JPH1: variants seen among roughly 807,000 people sequenced by gnomAD.
JPH1 encodes junctophilin-1.
JPH1 carries 12 observed loss-of-function variants against 53.6 expected under a neutral mutation model. That is an observed-to-expected ratio of 0.22 (90% CI 0.14 to 0.36). The LOEUF is 0.36. Ranked by LOEUF, JPH1 falls within the 10% of genes least tolerant of loss-of-function variation. The pLI is 1.00. For synonymous variants in JPH1, 375 were observed against 363.8 expected (o/e 1.03, Z -0.35); for missense variants, 808 against 905.5 (o/e 0.89, Z 1.38).
In JPH1 at chr8:74,248,330, A is replaced by G. The variant is rs539611744; in HGVS notation, c.1259-3155T>C. 4.6e-5 allele frequency among the ~76,000 whole-genome samples: 7 copies of G among 152,352 alleles called. No homozygotes were observed. The South Asian group carries it at 1.0e-3, about 23-fold the overall frequency. On this transcript the variant is annotated intron_variant, in intron 3 of 5. Transcript: ENST00000342232. ...AAATTCCTAGCTTTATTATGCATTC[A>G]AAAAATATCTGGGTAAGGGAAAAAA...
At chr8:74,271,923 G>T (rs746038058) in intron 2 of JPH1, among the ~76,000 whole-genome samples, 3 of 152,152 alleles carry the variant, frequency 2.0e-5, no homozygotes, top group Non-Finnish European at 2.9e-5. Flanking sequence ...CTGGAAAACG[G>T]CATTTGTTCC....
At chr8:74,249,649 T>G (rs1203978044) in intron 3 of JPH1, among the ~76,000 whole-genome samples, 1 of 152,248 alleles carries the variant, frequency 6.6e-6, no homozygotes, top group African/African-American at 2.4e-5. Flanking sequence ...CAGTTTCCCT[T>G]TTTAATGAAA....
chr8:74,296,018 G>GAACACACACACACACACACA (rs1372742505), intron 2 of JPH1, among the ~76,000 whole-genome samples: 5 of 31,266 alleles, frequency 1.6e-4, no homozygotes, highest in African/African-American at 1.5e-3. Context: ...ATCTCAGTAA[G>GAACACACACACACACACACA]GACACACACA....
rs1806950673 is a variant in JPH1, at chr8:74,279,607, T to C, written c.1140-20104A>G. On this transcript the variant is annotated intron_variant, in intron 2 of 5. Coordinates refer to ENST00000342232, the MANE Select transcript of JPH1 (RefSeq NM_020647.4). The stretch of plus-strand genomic sequence containing the variant: ...AGGCCTAGGGCCTTCTATCTACCTG[T>C]GATATATTCGTTTCCTCATTTGTAA... Among the ~76,000 whole-genome samples, 4 of 152,202 alleles carry C rather than the reference T, an allele frequency of 2.6e-5. No homozygotes were observed. In the South Asian group the frequency reaches 8.3e-4, roughly 32 times the overall value.
intron 3 of JPH1, among the ~76,000 whole-genome samples, chr8:74,255,215 G>A (rs1252097856): frequency 2.0e-5 from 3 of 152,070 alleles, no homozygotes; most frequent in Admixed American, 2.0e-4. Flanking sequence ...CAATGGAACA[G>A]AACAGAGCCC....
At chr8:74,303,922 G>A (rs1807756858) in intron 2 of JPH1, among the ~76,000 whole-genome samples, 1 of 151,562 alleles carries the variant, frequency 6.6e-6, no homozygotes, top group Non-Finnish European at 1.5e-5. Context: ...AGGTTCAAGA[G>A]ACCCTCCTCA....
At chr8:74,238,453 T>C (rs560002960) in intron 4 of JPH1, among the ~76,000 whole-genome samples, 2 of 152,164 alleles carry the variant, frequency 1.3e-5, no homozygotes, top group Admixed American at 1.3e-4. Flanking sequence ...TCTTTCTCTA[T>C]CACAAGGCGT....
chr8:74,307,896 T>C (rs1418867949), intron 2 of JPH1, among the ~76,000 whole-genome samples: 1 of 152,222 alleles, frequency 6.6e-6, no homozygotes, highest in Non-Finnish European at 1.5e-5. Flanking sequence ...TAGGCTTTTT[T>C]TTCTGATATT....
intron 2 of JPH1, among the ~76,000 whole-genome samples, chr8:74,286,632 C>T (rs974293570): frequency 1.3e-5 from 2 of 152,194 alleles, no homozygotes; most frequent in South Asian, 2.1e-4. Flanking sequence ...CCCTAACCTA[C>T]CTGATTTATA....
intron 2 of JPH1, among the ~76,000 whole-genome samples, chr8:74,270,658 AAGCAAGTC>A (rs1036412056): frequency 1.3e-5 from 2 of 152,184 alleles, no homozygotes; most frequent in Non-Finnish European, 2.9e-5. Context: ...GGTGGTAGAA[AAGCAAGTC>A]AGGATTCAAG....
chr8:74,279,238 A>G (rs531636873), intron 2 of JPH1, among the ~76,000 whole-genome samples: 1 of 152,348 alleles, frequency 6.6e-6, no homozygotes, highest in South Asian at 2.1e-4. Flanking sequence ...ACTTTGTTCA[A>G]CATTTCCCAT....
intron 4 of JPH1, among the ~76,000 whole-genome samples, chr8:74,240,135 C>A (rs1471057463): frequency 6.6e-6 from 1 of 151,934 alleles, no homozygotes; most frequent in Non-Finnish European, 1.5e-5. Context: ...CGATGCCCAG[C>A]TAACTTTTAT....
At chr8:74,241,626 G>A (rs1387394704) in intron 4 of JPH1, among the ~76,000 whole-genome samples, 1 of 152,110 alleles carries the variant, frequency 6.6e-6, no homozygotes, top group Admixed American at 6.5e-5. Context: ...AGTTACTATG[G>A]TTTATGTGAA....
intron 2 of JPH1, among the ~76,000 whole-genome samples, chr8:74,276,174 C>T (rs1049554931): frequency 2.0e-5 from 3 of 152,096 alleles, no homozygotes; most frequent in African/African-American, 7.2e-5. Context: ...TAAATGGACA[C>T]ATAAAACCAT....
In JPH1 at chr8:74,244,683, G is replaced by A; in HGVS notation, c.1751C>T (p.Pro584Leu). ...GGAGGGACTCCACTTGTTAGCGGAT[G>A]GCTTGTGCACCAGTGCTGAGGAAGA... is the stretch of plus-strand genomic sequence containing the variant. Reference protein sequence around the residue: ...SQSSSALVHKPSANKWSPSKS... With the variant: ...SQSSSALVHKLSANKWSPSKS... The change falls in exon 4 of 6, where the codon CCA (proline) becomes CTA (leucine). Residue 584 changes from proline (P) to leucine (L), a missense_variant. Physicochemically the swap from Pro to Leu is moderately conservative, Grantham distance 98 (BLOSUM62 -3). This residue lies in a region of JPH1 where 756 missense variants were observed against 811.9 expected (regional missense o/e 0.93). Transcript: ENST00000342232. The A allele has an allele frequency of 6.2e-7, 1 of 1,614,182 alleles. No individual in the cohort carries two copies. Among genetic ancestry groups the A allele is most frequent in the Non-Finnish European group, 8.5e-7 (1 of 1,180,038 alleles).
chr8:74,299,467 G>A (rs559951312), intron 2 of JPH1, among the ~76,000 whole-genome samples: 9 of 152,182 alleles, frequency 5.9e-5, no homozygotes, highest in African/African-American at 1.9e-4. Context: ...GGGGGTCAAC[G>A]ATTCGAGCCG....
intron 2 of JPH1, among the ~76,000 whole-genome samples, chr8:74,301,138 A>G (rs1160765718): frequency 6.6e-6 from 1 of 152,034 alleles, no homozygotes; most frequent in Non-Finnish European, 1.5e-5. Context: ...TGCTAATTTT[A>G]TCCCTTTTGT....
At chr8:74,258,974 T>A (rs1042259171) in intron 3 of JPH1, among the ~76,000 whole-genome samples, 2 of 152,228 alleles carry the variant, frequency 1.3e-5, no homozygotes, top group African/African-American at 2.4e-5. Context: ...ACCGACACGA[T>A]GCTACAAGTG....
chr8:74,302,192 T>C (rs1056200836), intron 2 of JPH1, among the ~76,000 whole-genome samples: 4 of 152,210 alleles, frequency 2.6e-5, no homozygotes, highest in East Asian at 1.9e-4. Context: ...AAGAGAACAA[T>C]GTGCACCAGT....
Sources: gnomAD v4.1 joint callset for allele counts (sites outside exome capture counted in the v4.1 genomes callset) on GRCh38, gnomAD v4.1.1 for gene constraint, gnomAD v4.1.1 regional missense constraint, MANE v1.5 for transcripts, NCBI Gene and HGNC (gene_info 2026-07-23, HGNC 2026-07-21) for gene names.